CNBD1: variants seen among roughly 807,000 people sequenced by gnomAD.
CNBD1 encodes cyclic nucleotide binding domain containing 1.
In CNBD1, 71 loss-of-function variants were observed where a neutral mutation model predicts 54.4. That is an observed-to-expected ratio of 1.30 (90% confidence interval 1.08 to 1.59). The LOEUF (loss-of-function observed/expected upper bound fraction) is 1.59, where lower values mean the gene tolerates loss of function less well. Ranked by LOEUF, CNBD1 falls within the 40% of genes most tolerant of loss-of-function variation. The probability of loss-of-function intolerance (pLI) is 0.00; values close to 1 mark genes in which losing one functional copy is unlikely to be tolerated. For missense variants in CNBD1, 659 were observed against 518.0 expected, an observed-to-expected ratio of 1.27 and a Z score of -2.64; for synonymous variants, 182 against 170.7, an observed-to-expected ratio of 1.07 and a Z score of -0.51.
At chr8:87,355,366 G>A (rs993214420) in intron 10 of CNBD1, among the ~76,000 whole-genome samples, 1 of 151,902 alleles carries the variant, frequency 6.6e-6, no homozygotes. Context: ...TATGTTTTTG[G>A]TTCAGGTCAA....
chr8:87,408,061 G>A (rs1344494025), intron 2 of CNBD1, among the ~76,000 whole-genome samples: 1 of 151,880 alleles, frequency 6.6e-6, no homozygotes, highest in Non-Finnish European at 1.5e-5. Flanking sequence ...TTGTTTTCAA[G>A]ATAACTTTCT....
intron 4 of CNBD1, among the ~76,000 whole-genome samples, chr8:87,092,307 G>T (rs1007008748): frequency 6.6e-6 from 1 of 151,520 alleles, no homozygotes; most frequent in Non-Finnish European, 1.5e-5. Context: ...TTTACAATAG[G>T]ACTTTGATGA....
At position 87,322,049 on chromosome 8, in the gene CNBD1, C is replaced by A. The variant is rs1293510609; in HGVS notation, c.1043-29636C>A. Among the ~76,000 whole-genome samples the A allele has an allele frequency of 1.9e-4, 26 of 134,830 alleles. No homozygotes were observed. In the East Asian group the frequency reaches 5.4e-3, roughly 28 times the overall value. The allele number at this position is 134,830 out of a possible 152,430, so 88.5% of individuals were successfully genotyped here. A position where few individuals can be genotyped will look rare whatever the true frequency, so the allele number is the denominator to read the frequency against. Reference sequence around the variant, plus strand: ...ATTCCCACCTATGAGTGAGAATATGCGGTGTTTGGTTTTTTGTTCTTGCGA... The same window carrying A: ...ATTCCCACCTATGAGTGAGAATATGAGGTGTTTGGTTTTTTGTTCTTGCGA... On this transcript the variant is annotated intron_variant, in intron 8 of 10. Transcript: ENST00000518476.
At chr8:87,347,870 G>T (rs1374418700) in intron 8 of CNBD1, among the ~76,000 whole-genome samples, 2 of 152,046 alleles carry the variant, frequency 1.3e-5, no homozygotes, top group Non-Finnish European at 2.9e-5. Flanking sequence ...TCCCTATTTT[G>T]CAGTGAGTAA....
chr8:86,911,813 C>T (rs539284003), intron 3 of CNBD1, among the ~76,000 whole-genome samples: 1 of 152,066 alleles, frequency 6.6e-6, no homozygotes, highest in South Asian at 2.1e-4. Flanking sequence ...TTTATATATG[C>T]CAACAGCAAA....
At chr8:87,207,976 G>C (rs1034799796) in intron 5 of CNBD1, among the ~76,000 whole-genome samples, 1 of 152,114 alleles carries the variant, frequency 6.6e-6, no homozygotes, top group Non-Finnish European at 1.5e-5. Context: ...GACCTTTGTA[G>C]ATTTCTTTGT....
At chr8:87,109,235 G>A (rs11997973) in intron 4 of CNBD1, among the ~76,000 whole-genome samples, 1,676 of 152,034 alleles carry the variant, frequency 0.011, 41 homozygotes, top group African/African-American at 0.038. Context: ...GTATCCAGCC[G>A]GTAGGGGGCA....
At chr8:87,179,232 C>T (rs556879065) in intron 4 of CNBD1, among the ~76,000 whole-genome samples, 2 of 152,046 alleles carry the variant, frequency 1.3e-5, no homozygotes, top group Non-Finnish European at 2.9e-5. Context: ...TAAAAATATG[C>T]AGGAAACTTC....
chr8:87,119,928 C>T (rs1452996331), intron 4 of CNBD1, among the ~76,000 whole-genome samples: 1 of 151,988 alleles, frequency 6.6e-6, no homozygotes, highest in Non-Finnish European at 1.5e-5. Context: ...GGCATAAATA[C>T]CACCTGATTA....
At chr8:87,386,563 A>T (rs906026310), downstream of CNBD1, among the ~76,000 whole-genome samples, 2 of 152,192 alleles carry the variant, frequency 1.3e-5, no homozygotes, top group Admixed American at 1.3e-4. Context: ...GAGAAAAAAG[A>T]ATAAAAAGAA....
Position 87,425,916 on chromosome 8 carries a change from GC to G in CNBD1, c.214-2628del, listed in dbSNP as rs1196322384. ...GGCAATGGCGGGCGCCCCTCCCCCA[GC>G]CTCACTGCTGCCTTGCAGTTTGATC... On this transcript the variant is annotated intron_variant, in intron 2 of 7. Transcript: ENST00000521593. Among the ~76,000 whole-genome samples the G allele has an allele frequency of 2.0e-5, 3 of 152,084 alleles. No individual in the cohort carries two copies. In the East Asian group the frequency reaches 5.8e-4, roughly 29 times the overall value.
intron 4 of CNBD1, among the ~76,000 whole-genome samples, chr8:87,024,007 G>A (rs1402822505): frequency 6.6e-6 from 1 of 152,072 alleles, no homozygotes; most frequent in African/African-American, 2.4e-5. Context: ...GGAGGCCGAG[G>A]CGGGTGGATC....
rs541771724 is a variant in CNBD1 at position 87,127,249 on chromosome 8, G to A, written c.432-78744G>A. On this transcript the variant is annotated intron_variant, in intron 4 of 10. Transcript: ENST00000518476. ...TTCAATTTGTAGATCAATTTTGGGA[G>A]AATTGAAATATTAATACTGTGGAGA... Among the ~76,000 whole-genome samples, 385 of 152,120 alleles carry A rather than the reference G, an allele frequency of 2.5e-3. 1 individual carries two copies. Among genetic ancestry groups the A allele is most frequent in the African/African-American group, 9.0e-3 (373 of 41,512 alleles).
At chr8:87,321,328 T>C (rs1339725389) in intron 8 of CNBD1, among the ~76,000 whole-genome samples, 2 of 152,180 alleles carry the variant, frequency 1.3e-5, no homozygotes, top group Non-Finnish European at 2.9e-5. Context: ...CAACATGTCC[T>C]TACCAATTTG....
chr8:87,366,250 G>A (rs1201298067), intron 10 of CNBD1, among the ~76,000 whole-genome samples: 2 of 152,036 alleles, frequency 1.3e-5, no homozygotes, highest in Non-Finnish European at 2.9e-5. Context: ...TGTTGGCCAA[G>A]CTGTGATCTA....
intron 4 of CNBD1, among the ~76,000 whole-genome samples, chr8:87,128,377 C>T (rs1016646987): frequency 2.6e-5 from 4 of 152,152 alleles, no homozygotes; most frequent in Admixed American, 6.5e-5. Context: ...ACCTTAGCTC[C>T]GGCACCTGCC....
intron 8 of CNBD1, among the ~76,000 whole-genome samples, chr8:87,307,193 A>C (rs1809171689): frequency 6.6e-6 from 1 of 152,214 alleles, no homozygotes; most frequent in African/African-American, 2.4e-5. Context: ...TTGTTTTAAC[A>C]TTTGATTAAA....
chr8:87,380,118 C>T (rs938011163), intron 10 of CNBD1, among the ~76,000 whole-genome samples: 1 of 151,760 alleles, frequency 6.6e-6, no homozygotes, highest in African/African-American at 2.4e-5. Context: ...ATTACATACA[C>T]AAACAAGAGT....
intron 1 of CNBD1, among the ~76,000 whole-genome samples, chr8:86,880,423 G>T (rs1410182756): frequency 6.6e-6 from 1 of 152,124 alleles, no homozygotes; most frequent in Non-Finnish European, 1.5e-5. Flanking sequence ...GATTTATATT[G>T]TATTAGGTAT....
Sources: gnomAD v4.1 joint callset for allele counts (sites outside exome capture counted in the v4.1 genomes callset) on GRCh38, gnomAD v4.1.1 for gene constraint, MANE v1.5 for transcripts, NCBI Gene and HGNC (gene_info 2026-07-23, HGNC 2026-07-21) for gene names.